MYSM1: variants seen among roughly 807,000 people sequenced by gnomAD.
The protein encoded by MYSM1 is deubiquitinase MYSM1.
In MYSM1, 51 loss-of-function variants were observed where a neutral mutation model predicts 116.0. That is an observed-to-expected ratio of 0.44 (90% CI 0.35 to 0.56). The LOEUF is 0.56. Ranked by LOEUF, MYSM1 falls within the 20% of genes least tolerant of loss-of-function variation. The pLI is 0.00. For synonymous variants in MYSM1, 313 were observed against 315.2 expected, an observed-to-expected ratio of 0.99 and a Z score of 0.07; for missense variants, 900 against 974.9, an observed-to-expected ratio of 0.92 and a Z score of 1.02.
At position 58,690,452 on chromosome 1, in the gene MYSM1, T is replaced by C. The variant is rs747398307; in HGVS notation, c.219-35A>G. Reference sequence around the variant, plus strand: ...TATCAAGGAAACTTTTTAAACAATATTACAGTCATGTAATTTTTACATTAC... The same window carrying C: ...TATCAAGGAAACTTTTTAAACAATACTACAGTCATGTAATTTTTACATTAC... On this transcript the variant is annotated intron_variant, in intron 3 of 19. Transcript: ENST00000472487. 58 of 1,397,888 alleles carry C rather than the reference T, an allele frequency of 4.1e-5. 1 individual carries two copies. Among genetic ancestry groups the C allele is most frequent in the Non-Finnish European group, 5.9e-6 (6 of 1,009,440 alleles). The allele number at this position is 1,397,888 out of a possible 1,614,324, so 86.6% of individuals were successfully genotyped here. A position where few individuals can be genotyped will look rare whatever the true frequency, so the allele number is the denominator to read the frequency against.
At chr1:58,699,807 G>T (rs1645036268) in intron 1 of MYSM1, 178 bp downstream of exon 1, 1 of 985,456 alleles carries the variant, frequency 1.0e-6, no homozygotes, top group Non-Finnish European at 1.2e-6. Context: ...TAACCGCCCT[G>T]CCCGCTGGGC....
At chr1:58,664,006 T>A (rs1478889353) in intron 17 of MYSM1, among the ~76,000 whole-genome samples, 2 of 152,226 alleles carry the variant, frequency 1.3e-5, no homozygotes, top group African/African-American at 2.4e-5. Flanking sequence ...TTTTACATAT[T>A]TTGTCCAGTT....
chr1:58,672,647 T>C (rs781518402), intron 11 of MYSM1, among the ~76,000 whole-genome samples: 4 of 152,052 alleles, frequency 2.6e-5, no homozygotes, highest in African/African-American at 4.8e-5. Context: ...CCAGAATATA[T>C]CTAGTATTTT....
chr1:58,682,244 C>T lies in MYSM1; in HGVS notation c.800G>A (p.Ser267Asn). 6.2e-7 allele frequency: 1 copy of T among 1,612,516 alleles called. No individual in the cohort carries two copies. The highest frequency in any genetic ancestry group is 1.3e-5 in the African/African-American group (1 of 74,974). ...TNQGEFITSD[S>N]QEALFSKSSR... is the part of the protein sequence containing the mutation. ...AGACTTAGAAAAGAGAGCTTCCTGG[C>T]TGTCAGAAGTAATGAATTCTCCTTG... Residue 267 changes from serine (S) to asparagine (N), a missense_variant, in exon 8 of 20, where the codon AGC (serine) becomes AAC (asparagine). Coordinates refer to ENST00000472487, the MANE Select transcript of MYSM1 (RefSeq NM_001085487.3).
intron 1 of MYSM1, chr1:58,699,590 C>A: frequency 1.4e-5 from 14 of 975,554 alleles, no homozygotes; most frequent in African/African-American, 1.7e-5. Flanking sequence ...CAAGGTCACA[C>A]GGCTAGCAAG....
rs1644498758 is a variant in MYSM1, at chr1:58,667,900, C to T, written c.1789G>A (p.Glu597Lys). Reference protein sequence around the residue: ...MDLHAHVSMAEVIGLLGGRYS... With the variant: ...MDLHAHVSMAKVIGLLGGRYS... ...CTTCCTCCTAACAGACCAATCACTT[C>T]TGCCATAGAAACATGAGCATGCTAA... Residue 597 changes from glutamate (E) to lysine (K), a missense_variant, in exon 15 of 20, where the codon GAA becomes AAA. Coordinates refer to ENST00000472487, the MANE Select transcript of MYSM1 (RefSeq NM_001085487.3). The T allele has an allele frequency of 6.2e-7, 1 of 1,612,622 alleles. No homozygotes were observed. Among genetic ancestry groups the T allele is most frequent in the African/African-American group, 1.3e-5 (1 of 74,896 alleles).
rs1405519143 is a variant in MYSM1, at chr1:58,657,090, A to C, written c.*2907T>G. On this transcript the variant is annotated 3_prime_UTR_variant, in exon 20 of 20. Coordinates refer to ENST00000472487, the MANE Select transcript of MYSM1 (RefSeq NM_001085487.3). The stretch of plus-strand genomic sequence containing the variant: ...GAAGATAATTTAAAAGGATTAGAGA[A>C]GAATGGTCAAGGCTAAAATAATGGA... 6.6e-6 allele frequency: 1 copy of C among 150,668 alleles called. No individual in the cohort carries two copies. Among genetic ancestry groups the C allele is most frequent in the African/African-American group, 2.4e-5 (1 of 41,342 alleles). 9.3% of individuals were successfully genotyped at this position (150,668 alleles called of 1,614,324 possible).
chr1:58,699,574 C>G, intron 1 of MYSM1: 3 of 960,536 alleles, frequency 3.1e-6, no homozygotes, highest in Non-Finnish European at 3.7e-6. Context: ...GATGAAACGA[C>G]TCGCCCAAGG....
At chr1:58,664,942 C>T (rs232788) in intron 17 of MYSM1, among the ~76,000 whole-genome samples, 133,987 of 152,240 alleles carry the variant, frequency 0.88, 58,945 homozygotes, top group East Asian at 0.93. Context: ...GCTATACTAA[C>T]TCCCTATCCG....
In MYSM1 at chr1:58,695,165, A is replaced by C; in HGVS notation, c.111T>G (p.Tyr37Ter). Reference protein sequence around the residue: ...NTASVLQKDHYLDSSWRTENG... With the variant: ...NTASVLQKDH ...TCTCTGTTCTCCAAGATGAATCAAGATAGTGATCTTTTTGTAAAACTGATG... is the reference window on the plus strand; with the variant it reads ...TCTCTGTTCTCCAAGATGAATCAAGCTAGTGATCTTTTTGTAAAACTGATG... The change falls in exon 2 of 20, where the codon TAT (tyrosine) becomes TAG (stop). Residue 37 changes from tyrosine to a stop codon, truncating the protein, a stop_gained. Transcript: ENST00000472487. LOFTEE classifies it high-confidence loss of function. 6.2e-7 allele frequency: 1 copy of C among 1,605,966 alleles called. No individual in the cohort carries two copies. The highest frequency in any genetic ancestry group is 8.5e-7 in the Non-Finnish European group (1 of 1,173,098).
chr1:58,673,401 A>G (rs1038022308), intron 11 of MYSM1, among the ~76,000 whole-genome samples, 172 bp downstream of exon 11: 3 of 152,234 alleles, frequency 2.0e-5, no homozygotes, highest in Non-Finnish European at 2.9e-5. Context: ...TAACTGCACC[A>G]CCAATGCCTT....
chr1:58,660,828 T>C (rs1644379380), intron 19 of MYSM1, among the ~76,000 whole-genome samples: 1 of 152,096 alleles, frequency 6.6e-6, no homozygotes, highest in Admixed American at 6.6e-5. Context: ...ATTTATACCA[T>C]CATTCTTAAA....
chr1:58,687,537 G>A (rs1644845047), intron 6 of MYSM1, among the ~76,000 whole-genome samples: 1 of 152,178 alleles, frequency 6.6e-6, no homozygotes, highest in Non-Finnish European at 1.5e-5. Flanking sequence ...GCACCATGTT[G>A]TAAGCTCCCT....
intron 12 of MYSM1, among the ~76,000 whole-genome samples, chr1:58,671,661 C>T (rs1644563549): frequency 6.6e-6 from 1 of 152,086 alleles, no homozygotes; most frequent in South Asian, 2.1e-4. Context: ...TATGTTGGAT[C>T]ATATGTTCAA....
rs1345375182 is a variant in MYSM1 at position 58,682,531 on chromosome 1, C to T, written c.513G>A (p.Leu171=). The T allele has an allele frequency of 3.1e-6, 5 of 1,605,096 alleles. No individual in the cohort carries two copies. The highest frequency in any genetic ancestry group is 1.7e-4 in the Middle Eastern group (1 of 6,032). The change falls in exon 8 of 20, where the codon CTG becomes CTA. Residue 171 remains leucine (L), a synonymous_variant. Transcript: ENST00000472487. ...TCTTCTGATTTGGTGTTTCTTTATC[C>T]AGACCGCATTTGACCTTATTAAAAA... is the stretch of plus-strand genomic sequence containing the variant. ...QYFKNKVKCG[L]DKETPNQKTG...
chr1:58,663,222 C>G (rs1463960785), intron 17 of MYSM1, among the ~76,000 whole-genome samples: 1 of 152,112 alleles, frequency 6.6e-6, no homozygotes, highest in Non-Finnish European at 1.5e-5. Flanking sequence ...TCAATCTATG[C>G]TGATGCAAAA....
At chr1:58,687,633 G>T (rs2811871) in intron 6 of MYSM1, among the ~76,000 whole-genome samples, 6,598 of 152,146 alleles carry the variant, frequency 0.043, 467 homozygotes, top group African/African-American at 0.15. Context: ...CTGACTACAA[G>T]ACAAACAAAG....
At position 58,673,605 on chromosome 1, in the gene MYSM1, C is replaced by A. The variant is rs1209032282; in HGVS notation, c.1540G>T (p.Asp514Tyr). 6 of 1,614,092 alleles carry A rather than the reference C, an allele frequency of 3.7e-6. No individual in the cohort carries two copies. Among genetic ancestry groups the A allele is most frequent in the Non-Finnish European group, 5.1e-6 (6 of 1,179,982 alleles). ...RVRDPWGNWCDAKDLEGQTFE... is the reference protein window; with the variant it reads ...RVRDPWGNWCYAKDLEGQTFE... ...GTTTGTCCTTCTAAGTCCTTTGCAT[C>A]ACACCAGTTTCCCCATGGGTCTCGG... The change falls in exon 11 of 20, where the codon GAT (aspartate) becomes TAT (tyrosine). Residue 514 changes from aspartate (D) to tyrosine (Y), a missense_variant. Asp to Tyr is a radical substitution (Grantham distance 160). Coordinates refer to ENST00000472487, the MANE Select transcript of MYSM1 (RefSeq NM_001085487.3).
At position 58,673,631 on chromosome 1, in the gene MYSM1, A is replaced by C. The variant is rs769335750; in HGVS notation, c.1514T>G (p.Val505Gly). 1.7e-5 allele frequency: 27 copies of C among 1,614,020 alleles called. No individual in the cohort carries two copies. Among genetic ancestry groups the C allele is most frequent in the Non-Finnish European group, 2.3e-5 (27 of 1,179,926 alleles). ...ACACCAGTTTCCCCATGGGTCTCGGACCCTACGTCTCCTTGTACGCTGCGA... is the reference window on the plus strand; with the variant it reads ...ACACCAGTTTCCCCATGGGTCTCGGCCCCTACGTCTCCTTGTACGCTGCGA... ...LQSMRTRRRR[V>G]RDPWGNWCDA... is the part of the protein sequence containing the mutation. Residue 505 changes from valine (V) to glycine (G), a missense_variant, in exon 11 of 20, where the codon GTC (valine) becomes GGC (glycine). By Grantham distance (109) the Val-to-Gly change is moderately radical. Transcript: ENST00000472487.
Sources: allele counts gnomAD v4.1 joint callset (sites outside exome capture counted in the v4.1 genomes callset), GRCh38; gene constraint gnomAD v4.1.1; transcripts MANE v1.5; gene names NCBI Gene and HGNC (gene_info 2026-07-23, HGNC 2026-07-21).